TRPM3: variants seen among roughly 807,000 people sequenced by gnomAD.
TRPM3 encodes the protein transient receptor potential cation channel subfamily M member 3, also known as long transient receptor potential channel 3.
A neutral mutation model predicts 181.2 loss-of-function variants in TRPM3; 77 were observed. That is an observed-to-expected ratio of 0.42 (90% CI 0.35 to 0.51). The LOEUF (loss-of-function observed/expected upper bound fraction) is 0.51. Among genes scored for constraint, TRPM3 ranks in the 20% least tolerant of loss-of-function variants. The pLI is 0.01. For missense variants in TRPM3, 1,759 were observed against 2,196.7 expected, an observed-to-expected ratio of 0.80 and a Z score of 3.98; for synonymous variants, 745 against 796.4, an observed-to-expected ratio of 0.94 and a Z score of 1.09.
At chr9:70,855,912 C>T (rs926684925) in intron 3 of TRPM3, among the ~76,000 whole-genome samples, 3 of 152,176 alleles carry the variant, frequency 2.0e-5, no homozygotes, top group African/African-American at 7.2e-5. Context: ...ATCACATTAA[C>T]TGTCATCAAA....
In TRPM3 at chr9:70,532,128, T is replaced by C. The variant is rs150078183; in HGVS notation, c.*3825A>G. The C allele has an allele frequency of 2.0e-4, 31 of 152,302 alleles. No individual in the cohort carries two copies. Among genetic ancestry groups the C allele is most frequent in the African/African-American group, 6.7e-4 (28 of 41,560 alleles). The allele number at this position is 152,302 out of a possible 1,614,324, so 9.4% of individuals were successfully genotyped here. ...ACAGCATTGCCCAACATATGAATGG[T>C]ATAGCCTATAGATAGAGCATGATGG... On this transcript the variant is annotated 3_prime_UTR_variant, in exon 26 of 26. Transcript: ENST00000677713.
intron 1 of TRPM3, among the ~76,000 whole-genome samples, chr9:70,957,015 C>T (rs1390687044): frequency 1.4e-5 from 2 of 145,488 alleles, no homozygotes; most frequent in Admixed American, 7.0e-5. Flanking sequence ...GGCTGAAGTG[C>T]AGTGGCATGA....
intron 4 of TRPM3, among the ~76,000 whole-genome samples, chr9:70,845,705 G>C (rs1377508870): frequency 6.6e-6 from 1 of 152,114 alleles, no homozygotes; most frequent in African/African-American, 2.4e-5. Context: ...ACTTCAGGCT[G>C]GGGGAGTATG....
At chr9:70,634,437 T>C (rs1428499958) in intron 12 of TRPM3, among the ~76,000 whole-genome samples, 1 of 152,198 alleles carries the variant, frequency 6.6e-6, no homozygotes, top group African/African-American at 2.4e-5. Flanking sequence ...AATAATTCTA[T>C]TTCATAGAAT....
intron 1 of TRPM3, among the ~76,000 whole-genome samples, chr9:71,041,112 A>G (rs2058762268): frequency 6.6e-6 from 1 of 152,222 alleles, no homozygotes; most frequent in Non-Finnish European, 1.5e-5. Context: ...AGGAAAGAGA[A>G]TATCCTTGCT....
intron 1 of TRPM3, among the ~76,000 whole-genome samples, chr9:71,322,494 A>G (rs1242744762): frequency 1.3e-5 from 2 of 152,156 alleles, no homozygotes; most frequent in African/African-American, 2.4e-5. Flanking sequence ...ATCCAGTCAT[A>G]CTGCCTCAGG....
chr9:71,145,128 G>C (rs1344480816), intron 1 of TRPM3, among the ~76,000 whole-genome samples: 1 of 152,052 alleles, frequency 6.6e-6, no homozygotes, highest in Admixed American at 6.6e-5. Flanking sequence ...AGAGAAACTA[G>C]AACAGCTGTT....
rs148758220 is a variant in TRPM3, at chr9:70,695,855, C to T, written c.1273-14277G>A. Reference sequence around the variant, plus strand: ...GTTAGATACCACATGGAGAACCATGCAGGCGGAAAGGCTGAGATACACTCG... The same window carrying T: ...GTTAGATACCACATGGAGAACCATGTAGGCGGAAAGGCTGAGATACACTCG... On this transcript the variant is annotated intron_variant, in intron 8 of 25. Transcript: ENST00000677713. 1.2e-3 allele frequency among the ~76,000 whole-genome samples: 188 copies of T among 152,320 alleles called. 1 individual carries two copies. The highest frequency in any genetic ancestry group is 4.2e-3 in the African/African-American group (176 of 41,562).
chr9:71,051,279 C>A (rs566194485), intron 1 of TRPM3, among the ~76,000 whole-genome samples: 3 of 152,286 alleles, frequency 2.0e-5, no homozygotes, highest in Non-Finnish European at 2.9e-5. Context: ...TCTTTTAGGA[C>A]TCAAAAACAT....
intron 1 of TRPM3, among the ~76,000 whole-genome samples, chr9:71,085,888 C>G (rs2065173349): frequency 6.6e-6 from 1 of 152,046 alleles, no homozygotes; most frequent in Non-Finnish European, 1.5e-5. Flanking sequence ...CAAAAAAACA[C>G]ATGCACTTGC....
intron 1 of TRPM3, among the ~76,000 whole-genome samples, chr9:71,397,476 T>C (rs1291950614): frequency 6.6e-6 from 1 of 152,194 alleles, no homozygotes; most frequent in Non-Finnish European, 1.5e-5. Context: ...GAATGTTATA[T>C]ACAACATCAC....
At chr9:70,619,406 CTTTTTTTTT>C (rs1170887633) in intron 16 of TRPM3, among the ~76,000 whole-genome samples, 12,529 of 82,098 alleles carry the variant, frequency 0.15, 746 homozygotes, top group East Asian at 0.35. Context: ...TCGTCGTCTT[CTTTTTTTTT>C]TTTTTTTTTT....
chr9:70,809,931 G>T (rs2091596414), intron 6 of TRPM3: 1 of 533,038 alleles, frequency 1.9e-6, no homozygotes, highest in Non-Finnish European at 3.9e-6. Flanking sequence ...TCATGTCATG[G>T]TTATCCCAAT....
At chr9:70,811,634 C>G (rs909144937) in intron 6 of TRPM3, among the ~76,000 whole-genome samples, 1 of 152,188 alleles carries the variant, frequency 6.6e-6, no homozygotes, top group Non-Finnish European at 1.5e-5. Flanking sequence ...AATTATGAAT[C>G]TTCCAATTCT....
intron 1 of TRPM3, among the ~76,000 whole-genome samples, chr9:71,059,616 A>G (rs1476121918): frequency 6.6e-6 from 1 of 152,040 alleles, no homozygotes; most frequent in African/African-American, 2.4e-5. Context: ...GACTTTAAAT[A>G]AAGAAGTTTA....
intron 1 of TRPM3, among the ~76,000 whole-genome samples, chr9:71,214,866 A>C (rs2079744042): frequency 6.6e-6 from 1 of 152,052 alleles, no homozygotes; most frequent in South Asian, 2.1e-4. Context: ...TTCAAGGTCA[A>C]ATGAAATAGT....
chr9:70,565,703 A>AT (rs2050405180), intron 22 of TRPM3, among the ~76,000 whole-genome samples: 1 of 152,174 alleles, frequency 6.6e-6, no homozygotes, highest in Non-Finnish European at 1.5e-5. Context: ...GCTGTTCATC[A>AT]TTTTTTAAAT....
At chr9:70,646,030 A>C (rs4319166) in intron 9 of TRPM3, among the ~76,000 whole-genome samples, 134,543 of 152,246 alleles carry the variant, frequency 0.88, 59,529 homozygotes, top group Non-Finnish European at 0.91. Context: ...CAATGAGATA[A>C]CAACTCACGC....
chr9:70,919,836 C>T (rs908901521), intron 1 of TRPM3, among the ~76,000 whole-genome samples: 1 of 150,980 alleles, frequency 6.6e-6, no homozygotes, highest in East Asian at 1.9e-4. Flanking sequence ...ATATTTTGTT[C>T]ATTCCCTTAC....
Sources: gnomAD v4.1 joint callset for allele counts (sites outside exome capture counted in the v4.1 genomes callset) on GRCh38, gnomAD v4.1.1 for gene constraint, MANE v1.5 for transcripts, NCBI Gene and HGNC (gene_info 2026-07-23, HGNC 2026-07-21) for gene names.